KIAA1328: variants seen among roughly 807,000 people sequenced by gnomAD.
KIAA1328 encodes protein hinderin.
A neutral mutation model predicts 68.1 loss-of-function variants in KIAA1328; 52 were observed. The ratio of observed to expected loss-of-function variants is 0.76; its 90% CI spans 0.61 to 0.96. The LOEUF is 0.96. Among genes scored for constraint, KIAA1328 ranks in the 40% least tolerant of loss-of-function variants. The pLI, the probability that KIAA1328 is intolerant of heterozygous loss-of-function variation, is 0.00. For synonymous variants in KIAA1328, 232 were observed against 239.4 expected, an observed-to-expected ratio of 0.97 and a Z score of 0.28; for missense variants, 641 against 677.6, an observed-to-expected ratio of 0.95 and a Z score of 0.60.
At chr18:36,996,522 GT>G (rs1038586243) in intron 6 of KIAA1328, among the ~76,000 whole-genome samples, 2 of 151,902 alleles carry the variant, frequency 1.3e-5, no homozygotes, top group African/African-American at 4.8e-5. Flanking sequence ...AAATATTTGA[GT>G]TTTTTTTCTT....
At chr18:37,214,757 C>CA (rs1240656465) in intron 9 of KIAA1328, among the ~76,000 whole-genome samples, 1 of 152,144 alleles carries the variant, frequency 6.6e-6, no homozygotes, top group Non-Finnish European at 1.5e-5. Context: ...GCCATTTTCA[C>CA]AATATTGATT....
intron 8 of KIAA1328, among the ~76,000 whole-genome samples, chr18:37,170,612 G>A (rs891834464): frequency 6.6e-6 from 1 of 152,104 alleles, no homozygotes; most frequent in Non-Finnish European, 1.5e-5. Context: ...TGCATCAAAT[G>A]TTCCCCAAAT....
chr18:36,864,189 C>T (rs988930344), intron 4 of KIAA1328, among the ~76,000 whole-genome samples: 4 of 151,836 alleles, frequency 2.6e-5, no homozygotes, highest in Non-Finnish European at 5.9e-5. Flanking sequence ...TTTTCTCTGT[C>T]GATTGATATG....
chr18:36,859,398 G>T, intron 4 of KIAA1328, among the ~76,000 whole-genome samples: 2 of 147,164 alleles, frequency 1.4e-5, no homozygotes, highest in South Asian at 2.2e-4. Flanking sequence ...CATATATATT[G>T]GCATAAAGTT....
At chr18:37,205,231 C>T (rs1306482115) in intron 9 of KIAA1328, among the ~76,000 whole-genome samples, 1 of 152,196 alleles carries the variant, frequency 6.6e-6, no homozygotes, top group Non-Finnish European at 1.5e-5. Flanking sequence ...TGACTGACTA[C>T]ACATTAAGGC....
chr18:37,138,213 CTG>C (rs2058687694), intron 7 of KIAA1328, among the ~76,000 whole-genome samples: 1 of 152,170 alleles, frequency 6.6e-6, no homozygotes, highest in Non-Finnish European at 1.5e-5. Flanking sequence ...CACAACAACT[CTG>C]TGAGTTACAT....
chr18:36,834,442 G>A, intron 2 of KIAA1328, 87 bp downstream of exon 2: 4 of 1,193,096 alleles, frequency 3.4e-6, no homozygotes, highest in Non-Finnish European at 3.4e-6. Flanking sequence ...AATGTTGCGG[G>A]TATAAATAAC....
intron 5 of KIAA1328, among the ~76,000 whole-genome samples, chr18:36,908,749 C>T (rs1405985013): frequency 6.6e-6 from 1 of 152,054 alleles, no homozygotes; most frequent in Non-Finnish European, 1.5e-5. Context: ...GAATTTGCAG[C>T]TGTGTGAATC....
intron 7 of KIAA1328, among the ~76,000 whole-genome samples, chr18:37,075,882 T>C (rs1309566845): frequency 6.6e-6 from 1 of 152,178 alleles, no homozygotes. Context: ...AGAATAATAA[T>C]GGGAGACTTT....
chr18:36,916,218 T>C (rs1344167230), intron 5 of KIAA1328, among the ~76,000 whole-genome samples: 1 of 151,894 alleles, frequency 6.6e-6, no homozygotes. Context: ...TATATATATA[T>C]GTACCTGCTA....
chr18:36,913,355 C>CA (rs66519428), intron 5 of KIAA1328, among the ~76,000 whole-genome samples: 110 of 111,052 alleles, frequency 9.9e-4, no homozygotes, highest in African/African-American at 3.6e-3. Context: ...CTTGTCTCTA[C>CA]AAAAAAAAAA....
chr18:37,025,901 CA>C (rs1157752242), intron 6 of KIAA1328, among the ~76,000 whole-genome samples: 5 of 152,012 alleles, frequency 3.3e-5, no homozygotes, highest in Admixed American at 2.0e-4. Flanking sequence ...AATAGAGACA[CA>C]AAAAACCCTT....
chr18:37,176,904 G>T (rs952107436), intron 9 of KIAA1328, among the ~76,000 whole-genome samples: 3 of 152,146 alleles, frequency 2.0e-5, no homozygotes, highest in African/African-American at 7.2e-5. Flanking sequence ...TGTGTCCATT[G>T]TCAACAATAA....
intron 5 of KIAA1328, among the ~76,000 whole-genome samples, chr18:36,946,885 G>C (rs186788767): frequency 3.9e-5 from 6 of 152,288 alleles, no homozygotes; most frequent in Admixed American, 2.6e-4. Flanking sequence ...GAAGAAGGGA[G>C]AGATGACAAG....
Position 37,175,434 on chromosome 18 carries a change from A to G in KIAA1328, c.1523+2353A>G, listed in dbSNP as rs1336884134. On this transcript the variant is annotated intron_variant, in intron 9 of 9. Coordinates refer to ENST00000280020, the MANE Select transcript of KIAA1328 (RefSeq NM_020776.3). ...TATTTACAGACTTTAAAAAAGGATTATCTATTTGTCCTTAATACTGCAGAT... is the reference window on the plus strand; with the variant it reads ...TATTTACAGACTTTAAAAAAGGATTGTCTATTTGTCCTTAATACTGCAGAT... 3.3e-5 allele frequency among the ~76,000 whole-genome samples: 5 copies of G among 152,202 alleles called. No homozygotes were observed. In the East Asian group the frequency reaches 7.7e-4, roughly 23 times the overall value.
At chr18:36,841,720 G>T (rs780811732) in intron 3 of KIAA1328, among the ~76,000 whole-genome samples, 4 of 152,158 alleles carry the variant, frequency 2.6e-5, no homozygotes, top group Admixed American at 2.6e-4. Context: ...GAATGAGCAC[G>T]TTTTAATAAA....
intron 4 of KIAA1328, among the ~76,000 whole-genome samples, chr18:36,860,525 A>G (rs2047530562): frequency 6.6e-6 from 1 of 152,150 alleles, no homozygotes; most frequent in South Asian, 2.1e-4. Flanking sequence ...TTGACTAATC[A>G]CAGTCGTTGA....
intron 6 of KIAA1328, among the ~76,000 whole-genome samples, chr18:37,044,966 A>G (rs1055242413): frequency 4.6e-5 from 7 of 152,194 alleles, no homozygotes; most frequent in African/African-American, 1.7e-4. Context: ...AGTGGGTATG[A>G]TAAGAGTTGT....
chr18:37,088,922 A>G (rs973000921), intron 7 of KIAA1328, among the ~76,000 whole-genome samples: 1 of 152,108 alleles, frequency 6.6e-6, no homozygotes, highest in African/African-American at 2.4e-5. Context: ...GTCTGTCCTG[A>G]CTGTCTTGGT....
Sources: gnomAD v4.1 joint callset for allele counts (sites outside exome capture counted in the v4.1 genomes callset) on GRCh38, gnomAD v4.1.1 for gene constraint, MANE v1.5 for transcripts, NCBI Gene and HGNC (gene_info 2026-07-23, HGNC 2026-07-21) for gene names.